The following PABPC4L variants were observed in gnomAD, a reference collection of about 807,000 sequenced individuals.
PABPC4L encodes the protein poly(A) binding protein cytoplasmic 4 like.
For synonymous variants in PABPC4L, 169 were observed against 164.1 expected (o/e 1.03, Z -0.23); for missense variants, 452 against 451.4 (o/e 1.00, Z -0.01).
the PABPC4L span, among the ~76,000 whole-genome samples, chr4:134,050,591 G>T: frequency 1.3e-5 from 2 of 151,530 alleles, no homozygotes; most frequent in African/African-American, 4.9e-5. Context: ...TGTAAACCCA[G>T]CTACTCGGGA....
the PABPC4L span, among the ~76,000 whole-genome samples, chr4:133,951,162 CA>C: frequency 6.6e-6 from 1 of 152,096 alleles, no homozygotes; most frequent in African/African-American, 2.4e-5. Context: ...TGCCATTTAT[CA>C]CTCAGGACGA....
the PABPC4L span, among the ~76,000 whole-genome samples, chr4:134,146,966 T>C: frequency 6.6e-6 from 1 of 152,104 alleles, no homozygotes; most frequent in Non-Finnish European, 1.5e-5. Flanking sequence ...CCCAGTCTTG[T>C]CTACTTAGGA....
the PABPC4L span, among the ~76,000 whole-genome samples, chr4:134,167,332 T>C: frequency 2.6e-5 from 4 of 152,176 alleles, no homozygotes; most frequent in Non-Finnish European, 5.9e-5. Context: ...GGGAAATCTC[T>C]GTACCTTCAT....
chr4:134,173,702 A>T, the PABPC4L span, among the ~76,000 whole-genome samples: 13 of 152,088 alleles, frequency 8.5e-5, no homozygotes, highest in Middle Eastern at 3.2e-3. Flanking sequence ...AAACTAAAAG[A>T]GTGAAATTGG....
the PABPC4L span, among the ~76,000 whole-genome samples, chr4:134,186,988 A>G: frequency 7.2e-5 from 11 of 152,158 alleles, no homozygotes; most frequent in South Asian, 2.1e-4. Context: ...CAAAACCACA[A>G]TGAGATACCA....
At chr4:134,112,797 T>C in the PABPC4L span, among the ~76,000 whole-genome samples, 2 of 151,950 alleles carry the variant, frequency 1.3e-5, no homozygotes, top group Non-Finnish European at 2.9e-5. Flanking sequence ...TAGTCTACTA[T>C]TTTGCTATAG....
chr4:133,948,972 T>C, the PABPC4L span, among the ~76,000 whole-genome samples: 3 of 152,188 alleles, frequency 2.0e-5, no homozygotes, highest in East Asian at 1.9e-4. Flanking sequence ...AGTTGGTGAA[T>C]AGCCTGAGAG....
chr4:134,093,258 C>T, the PABPC4L span, among the ~76,000 whole-genome samples: 1 of 148,098 alleles, frequency 6.8e-6, no homozygotes, highest in Non-Finnish European at 1.5e-5. Flanking sequence ...TGCTTTATTT[C>T]TGGTTTTTGA....
the PABPC4L span, among the ~76,000 whole-genome samples, chr4:133,983,187 A>T: frequency 6.6e-6 from 1 of 152,004 alleles, no homozygotes; most frequent in Non-Finnish European, 1.5e-5. Flanking sequence ...TCAAATCTCA[A>T]ACCTAATTTT....
the PABPC4L span, among the ~76,000 whole-genome samples, chr4:134,066,853 A>T: frequency 1.3e-5 from 2 of 152,094 alleles, no homozygotes; most frequent in Non-Finnish European, 1.5e-5. Flanking sequence ...ATTGATTTGC[A>T]TATGTTAAAC....
At chr4:133,990,761 G>T in the PABPC4L span, among the ~76,000 whole-genome samples, 2 of 152,168 alleles carry the variant, frequency 1.3e-5, no homozygotes, top group African/African-American at 4.8e-5. Flanking sequence ...CAGTCCTGCA[G>T]CGAATGATCA....
the PABPC4L span, among the ~76,000 whole-genome samples, chr4:134,081,467 T>A: frequency 8.5e-5 from 13 of 152,166 alleles, no homozygotes; most frequent in African/African-American, 3.1e-4. Flanking sequence ...AGAGGGATGT[T>A]CTTCCTAAGT....
At chr4:134,019,612 A>C in the PABPC4L span, among the ~76,000 whole-genome samples, 1 of 152,174 alleles carries the variant, frequency 6.6e-6, no homozygotes, top group East Asian at 1.9e-4. Flanking sequence ...TTTCATTACA[A>C]AAACATATTA....
At chr4:134,191,847 G>A (rs1405496434), downstream of PABPC4L, among the ~76,000 whole-genome samples, 1 of 151,140 alleles carries the variant, frequency 6.6e-6, no homozygotes, top group East Asian at 1.9e-4. Context: ...CTAACCCAAA[G>A]CAAGCAAAAA....
the PABPC4L span, among the ~76,000 whole-genome samples, chr4:134,168,250 C>T: frequency 2.6e-5 from 4 of 151,476 alleles, no homozygotes; most frequent in Non-Finnish European, 4.4e-5. Context: ...CACAGCATGC[C>T]CAAATCTATG....
the PABPC4L span, among the ~76,000 whole-genome samples, chr4:133,952,014 C>G: frequency 6.6e-6 from 1 of 152,132 alleles, no homozygotes; most frequent in Admixed American, 6.5e-5. Context: ...TCTTTTTCTA[C>G]AAATTGCAAT....
At chr4:134,027,735 T>A in the PABPC4L span, among the ~76,000 whole-genome samples, 928 of 152,246 alleles carry the variant, frequency 6.1e-3, 8 homozygotes, top group African/African-American at 0.021. Flanking sequence ...TCACATTGGA[T>A]CATAAATTAC....
chr4:134,017,296 G>A, the PABPC4L span, among the ~76,000 whole-genome samples: 223 of 152,140 alleles, frequency 1.5e-3, no homozygotes, highest in African/African-American at 5.0e-3. Context: ...GCCTGTCCTC[G>A]GAATGCTACA....
the PABPC4L span, among the ~76,000 whole-genome samples, chr4:134,004,928 T>C: frequency 6.6e-5 from 10 of 151,798 alleles, no homozygotes; most frequent in African/African-American, 9.7e-5. Context: ...AACCAGAAAG[T>C]ACATTGGTGG....
Sources: allele counts gnomAD v4.1 joint callset (sites outside exome capture counted in the v4.1 genomes callset), GRCh38; gene constraint gnomAD v4.1.1; transcripts MANE v1.5; gene names NCBI Gene and HGNC (gene_info 2026-07-23, HGNC 2026-07-21).